The following ADGRB3 variants were observed in gnomAD, a reference collection of about 807,000 sequenced individuals.
ADGRB3 encodes the protein brain-specific angiogenesis inhibitor 3.
A neutral mutation model predicts 193.4 loss-of-function variants in ADGRB3; 37 were observed. That is an observed-to-expected ratio of 0.19 (90% CI 0.15 to 0.25). The LOEUF is 0.25. ADGRB3 is among the 10% of genes least tolerant of loss of function. ADGRB3 has a pLI of 1.00. For missense variants in ADGRB3, 1,637 were observed against 1,852.9 expected, an observed-to-expected ratio of 0.88 and a Z score of 2.14; for synonymous variants, 690 against 644.2, an observed-to-expected ratio of 1.07 and a Z score of -1.08.
intron 3 of ADGRB3, among the ~76,000 whole-genome samples, chr6:68,890,044 C>T (rs749288246): frequency 6.6e-6 from 1 of 152,120 alleles, no homozygotes; most frequent in Non-Finnish European, 1.5e-5. Context: ...AAAGTATATG[C>T]AAATAACAAA....
At chr6:69,041,243 G>A (rs1047152131) in intron 13 of ADGRB3, among the ~76,000 whole-genome samples, 6 of 152,188 alleles carry the variant, frequency 3.9e-5, no homozygotes, top group African/African-American at 1.4e-4. Context: ...TAGTAGAAAT[G>A]TCTGTGTAGA....
intron 3 of ADGRB3, among the ~76,000 whole-genome samples, chr6:68,753,823 T>C (rs1766248384): frequency 6.6e-6 from 1 of 152,108 alleles, no homozygotes; most frequent in Admixed American, 6.6e-5. Context: ...CCATGACCAA[T>C]TTGGTTTGAG....
chr6:68,735,080 C>A (rs1765846444), intron 3 of ADGRB3, among the ~76,000 whole-genome samples: 1 of 151,850 alleles, frequency 6.6e-6, no homozygotes, highest in Non-Finnish European at 1.5e-5. Flanking sequence ...AATTTAAAAG[C>A]TATGTATTAT....
At chr6:68,874,509 T>C (rs1765538670) in intron 3 of ADGRB3, among the ~76,000 whole-genome samples, 1 of 152,152 alleles carries the variant, frequency 6.6e-6, no homozygotes, top group African/African-American at 2.4e-5. Context: ...AAAATTGTCA[T>C]TGTTTCCTGA....
intron 3 of ADGRB3, among the ~76,000 whole-genome samples, chr6:68,795,537 C>T (rs1442774224): frequency 6.6e-6 from 1 of 152,082 alleles, no homozygotes; most frequent in Non-Finnish European, 1.5e-5. Context: ...AAATGCAAAT[C>T]TTAAGGTGCT....
chr6:69,280,128 C>T (rs906025375), intron 20 of ADGRB3, among the ~76,000 whole-genome samples: 1 of 152,140 alleles, frequency 6.6e-6, no homozygotes, highest in African/African-American at 2.4e-5. Context: ...ATATATGTTT[C>T]TGGTTTTCAA....
intron 8 of ADGRB3, among the ~76,000 whole-genome samples, chr6:68,967,753 G>T (rs549690305): frequency 6.6e-6 from 1 of 152,244 alleles, no homozygotes; most frequent in South Asian, 2.1e-4. Context: ...GATGTTACAA[G>T]GTGACAGGAA....
intron 10 of ADGRB3, among the ~76,000 whole-genome samples, chr6:68,987,922 T>C (rs939888410): frequency 1.1e-4 from 17 of 152,008 alleles, no homozygotes; most frequent in African/African-American, 3.4e-4. Context: ...TGCCTACTTA[T>C]ATTAATTGGA....
intron 3 of ADGRB3, among the ~76,000 whole-genome samples, chr6:68,870,998 A>C (rs1420717103): frequency 6.6e-6 from 1 of 152,000 alleles, no homozygotes; most frequent in Non-Finnish European, 1.5e-5. Flanking sequence ...ATTTCTTTCT[A>C]AGTGTTTGAG....
chr6:68,817,476 C>T (rs1440849637), intron 3 of ADGRB3, among the ~76,000 whole-genome samples: 1 of 150,456 alleles, frequency 6.6e-6, no homozygotes, highest in Non-Finnish European at 1.5e-5. Context: ...CCACCTGGTA[C>T]TCCTGTAAAG....
chr6:68,648,464 G>T (rs1582096357), intron 3 of ADGRB3, among the ~76,000 whole-genome samples: 2 of 137,386 alleles, frequency 1.5e-5, no homozygotes, highest in Admixed American at 7.2e-5. Context: ...GGGAGTGTGA[G>T]TTTTTTTGTT....
At chr6:68,653,943 C>CT (rs957435749) in intron 3 of ADGRB3, among the ~76,000 whole-genome samples, 46 of 151,400 alleles carry the variant, frequency 3.0e-4, no homozygotes, top group South Asian at 8.3e-4. Context: ...TATTTTACTC[C>CT]TTTTTTTTGA....
At chr6:68,753,504 G>A (rs1766241181) in intron 3 of ADGRB3, among the ~76,000 whole-genome samples, 2 of 152,140 alleles carry the variant, frequency 1.3e-5, no homozygotes, top group Admixed American at 6.5e-5. Context: ...TGTGAAAACA[G>A]TTATTTTGGG....
chr6:69,363,938 G>C (rs1231692716), intron 29 of ADGRB3, among the ~76,000 whole-genome samples: 1 of 151,960 alleles, frequency 6.6e-6, no homozygotes, highest in Non-Finnish European at 1.5e-5. Flanking sequence ...ATAGAGAGTG[G>C]GATTAACAGT....
chr6:69,065,244 A>C (rs1771867321), intron 16 of ADGRB3, among the ~76,000 whole-genome samples: 1 of 152,144 alleles, frequency 6.6e-6, no homozygotes. Flanking sequence ...GGAGAGGAGA[A>C]TAGAAAGAGG....
At chr6:69,328,049 G>T (rs1350389389) in intron 22 of ADGRB3, among the ~76,000 whole-genome samples, 160 bp downstream of exon 22, 1 of 152,134 alleles carries the variant, frequency 6.6e-6, no homozygotes, top group Admixed American at 6.5e-5. Flanking sequence ...ATCTACAAAG[G>T]TTAAGAAATA....
chr6:68,834,215 C>T (rs1157386799), intron 3 of ADGRB3, among the ~76,000 whole-genome samples: 1 of 152,022 alleles, frequency 6.6e-6, no homozygotes, highest in East Asian at 1.9e-4. Context: ...AATCACATGA[C>T]ATCATGTCAG....
At chr6:68,799,781 C>T (rs141180828) in intron 3 of ADGRB3, among the ~76,000 whole-genome samples, 4,366 of 151,988 alleles carry the variant, frequency 0.029, 208 homozygotes, top group African/African-American at 0.097. Flanking sequence ...TATGATGATC[C>T]GGAAGAAAAA....
At chr6:68,744,126 G>C (rs897308062) in intron 3 of ADGRB3, among the ~76,000 whole-genome samples, 1 of 151,976 alleles carries the variant, frequency 6.6e-6, no homozygotes, top group African/African-American at 2.4e-5. Flanking sequence ...ATAGAGCTAA[G>C]AATGAAGGAA....
Sources: allele counts gnomAD v4.1 joint callset (sites outside exome capture counted in the v4.1 genomes callset), GRCh38; gene constraint gnomAD v4.1.1; transcripts MANE v1.5; gene names NCBI Gene and HGNC (gene_info 2026-07-23, HGNC 2026-07-21).